The following PRPF40B variants were observed in gnomAD, a reference collection of about 807,000 sequenced individuals.
PRPF40B encodes pre-mRNA-processing factor 40 homolog B.
PRPF40B carries 56 observed loss-of-function variants against 124.5 expected under a neutral mutation model. The ratio of observed to expected loss-of-function variants is 0.45; its 90% CI spans 0.36 to 0.56. The LOEUF is 0.56. Among genes scored for constraint, PRPF40B ranks in the 20% least tolerant of loss-of-function variants. PRPF40B has a pLI of 0.00. For synonymous variants in PRPF40B, 443 were observed against 426.4 expected (o/e 1.04, Z -0.48); for missense variants, 1,053 against 1,169.5 (o/e 0.90, Z 1.45).
chr12:49,629,579 C>T (rs1941038114), intron 1 of PRPF40B, among the ~76,000 whole-genome samples: 1 of 152,156 alleles, frequency 6.6e-6, no homozygotes, highest in South Asian at 2.1e-4. Flanking sequence ...TGGTAGGTAC[C>T]AGGAATACAG....
At chr12:49,643,777 GC>G in intron 24 of PRPF40B, 25 bp downstream of exon 24, 1 of 1,613,702 alleles carries the variant, frequency 6.2e-7, no homozygotes, top group Non-Finnish European at 8.5e-7. Flanking sequence ...TTCTACCTAA[GC>G]CCCTGCTATT....
At chr12:49,633,761 C>T in intron 9 of PRPF40B, 100 bp downstream of exon 9, 1 of 1,605,774 alleles carries the variant, frequency 6.2e-7, no homozygotes, top group Non-Finnish European at 8.5e-7. Flanking sequence ...GAAGAGCCAG[C>T]TCTGTCTCCT....
At chr12:49,638,635 T>C (rs781778251) in intron 18 of PRPF40B, 1 of 152,276 alleles carries the variant, frequency 6.6e-6, no homozygotes, top group Non-Finnish European at 1.5e-5. Flanking sequence ...TATTTCTTTA[T>C]GGAAGTGAAG....
At position 49,632,608 on chromosome 12, in the gene PRPF40B, G is replaced by A. The variant is rs1048454428; in HGVS notation, c.307G>A (p.Ala103Thr). 1 of 1,613,802 alleles carries A rather than the reference G, an allele frequency of 6.2e-7. No individual in the cohort carries two copies. Among genetic ancestry groups the A allele is most frequent in the Non-Finnish European group, 8.5e-7 (1 of 1,179,912 alleles). ...CTTTCTTCGGCAGACGGCTCCGGGT[G>A]CGGACACCGCCAGCTGTGAGTCTTC... ...VPVTAATAPG[A>T]DTASSAVAGT... Residue 103 changes from alanine to threonine, a missense_variant, in exon 5 of 26, where the codon GCG becomes ACG. Ala to Thr is a moderately conservative substitution (Grantham distance 58). This residue lies in a region of PRPF40B where 895 missense variants were observed against 1,052.2 expected (regional missense o/e 0.85). Coordinates refer to ENST00000548825, the MANE Select transcript of PRPF40B (RefSeq NM_001031698.3).
intron 15 of PRPF40B, 108 bp from the exon 16 acceptor site, chr12:49,636,608 G>A: frequency 6.7e-7 from 1 of 1,497,650 alleles, no homozygotes; most frequent in Non-Finnish European, 9.1e-7. Flanking sequence ...CACCACCCTG[G>A]GTATCCCTAG....
chr12:49,632,964 C>G, intron 6 of PRPF40B, 50 bp from the exon 7 acceptor site: 1 of 1,607,594 alleles, frequency 6.2e-7, no homozygotes, highest in Non-Finnish European at 8.5e-7. Context: ...TGAGGAGAGG[C>G]TTTGGAAAAG....
Position 49,644,082 on chromosome 12 carries a change from G to T in PRPF40B, c.2587-18G>T. 1 of 1,614,210 alleles carries T rather than the reference G, an allele frequency of 6.2e-7. No homozygotes were observed. The highest frequency in any genetic ancestry group is 8.5e-7 in the Non-Finnish European group (1 of 1,180,038). ...CCTTAGTGCAGGCTAAGGGTGAACTGTGCCTTTGCTCCAACAGACAGGCTG... is the reference window on the plus strand; with the variant it reads ...CCTTAGTGCAGGCTAAGGGTGAACTTTGCCTTTGCTCCAACAGACAGGCTG... On this transcript the variant is annotated intron_variant, in intron 25 of 25. Transcript: ENST00000548825.
In PRPF40B at chr12:49,642,513, C is replaced by T. The variant is rs1942808268; in HGVS notation, c.2023-67C>T. ...TTCTCTGCCCCAGCCCTGCCCTGTG[C>T]TCATGGCGGTGTCCAGGCCAGGCTG... On this transcript the variant is annotated intron_variant, in intron 20 of 25. Coordinates refer to ENST00000548825, the MANE Select transcript of PRPF40B (RefSeq NM_001031698.3). This position sits in a 1 kb window ranked among gnomAD's most constrained non-coding sequence, Gnocchi z 5.8. 6.3e-7 allele frequency: 1 copy of T among 1,591,066 alleles called. No homozygotes were observed. Among genetic ancestry groups the T allele is most frequent in the Non-Finnish European group, 8.6e-7 (1 of 1,160,392 alleles).
intron 16 of PRPF40B, chr12:49,637,220 C>G: frequency 3.5e-6 from 2 of 575,106 alleles, no homozygotes; most frequent in South Asian, 4.3e-5. Flanking sequence ...AGGCAGGTTT[C>G]TGTTTCTTTG....
chr12:49,627,773 T>C (rs1025469323), intron 1 of PRPF40B, among the ~76,000 whole-genome samples: 6 of 151,942 alleles, frequency 3.9e-5, no homozygotes, highest in Non-Finnish European at 5.9e-5. Flanking sequence ...GGGAAAACAG[T>C]TGGGAGGCCA....
Position 49,631,461 on chromosome 12 carries a change from A to T in PRPF40B, c.145A>T (p.Arg49Ter). Residue 49 changes from arginine to a stop codon, truncating the protein, a stop_gained, in exon 3 of 26, where the codon AGA (arginine) becomes TGA (stop). Coordinates refer to ENST00000548825, the MANE Select transcript of PRPF40B (RefSeq NM_001031698.3). LOFTEE classifies it high-confidence loss of function. The surrounding 1 kb of genome is among the most constrained non-coding windows in gnomAD (Gnocchi z 4.3). ...GATGGGGCTACCCCCCATGAGTCAG[A>T]GACCACCAGCTATCCCCCCCATGCC... ...PPMGLPPMSQ[R>*]PPAIPPMPPG... The T allele has an allele frequency of 6.7e-7, 1 of 1,484,838 alleles. No individual in the cohort carries two copies. Among genetic ancestry groups the T allele is most frequent in the East Asian group, 2.4e-5 (1 of 41,466 alleles). 92.0% of individuals were successfully genotyped at this position (1,484,838 alleles called of 1,614,324 possible). A position where few individuals can be genotyped will look rare whatever the true frequency, so the allele number is the denominator to read the frequency against.
In PRPF40B at chr12:49,637,592, A is replaced by T. The variant is rs1321843991; in HGVS notation, c.1675+8A>T. On this transcript the variant is annotated splice_region_variant and intron_variant, in intron 17 of 25. Coordinates refer to ENST00000548825, the MANE Select transcript of PRPF40B (RefSeq NM_001031698.3). ...ACATGCTGGGCCAGCCGGGTAAGGC[A>T]GCCAGGCTCCCCCTTCTCTGGCCTG... is the stretch of plus-strand genomic sequence containing the variant. 2 of 1,612,012 alleles carry T rather than the reference A, an allele frequency of 1.2e-6. No homozygotes were observed. Among genetic ancestry groups the T allele is most frequent in the Non-Finnish European group, 1.7e-6 (2 of 1,178,838 alleles).
In PRPF40B at chr12:49,624,167, T is replaced by C. The variant is rs987824823; in HGVS notation, c.3+574T>C. 6.1e-6 allele frequency: 6 copies of C among 985,504 alleles called. No individual in the cohort carries two copies. In the African/African-American group the frequency reaches 7.0e-5, roughly 11 times the overall value. 61.0% of individuals were successfully genotyped at this position (985,504 alleles called of 1,614,324 possible). A position where few individuals can be genotyped will look rare whatever the true frequency, so the allele number is the denominator to read the frequency against. The stretch of plus-strand genomic sequence containing the variant: ...AACAAACTAACGACTCTGTGTGACC[T>C]TGGGCAAGTCACTACCTTTCTTTGG... On this transcript the variant is annotated intron_variant, in intron 1 of 25. Coordinates refer to ENST00000548825, the MANE Select transcript of PRPF40B (RefSeq NM_001031698.3).
intron 23 of PRPF40B, 80 bp from the exon 24 acceptor site, chr12:49,643,611 A>G: frequency 1.3e-6 from 2 of 1,487,012 alleles, no homozygotes; most frequent in Non-Finnish European, 1.8e-6. Context: ...GCCTGTGAAG[A>G]ATGAACAGAG....
At chr12:49,637,703 C>G (rs199787423) in intron 17 of PRPF40B, 30 bp from the exon 18 acceptor site, 8 of 1,512,508 alleles carry the variant, frequency 5.3e-6, no homozygotes, top group Admixed American at 1.8e-5. Context: ...AGCTGCCGCC[C>G]GCCAGGCCCC....
chr12:49,632,097 C>G, intron 4 of PRPF40B, 172 bp downstream of exon 4: 1 of 685,654 alleles, frequency 1.5e-6, no homozygotes, highest in South Asian at 1.6e-5. Flanking sequence ...CTCAGCTCTT[C>G]TAGTTTCCCA....
In PRPF40B at chr12:49,633,061, C is replaced by T. The variant is rs1011390623; in HGVS notation, c.396C>T (p.Tyr132=). ...TGGCCCCAGATGGGCGCATCTACTA[C>T]TACAATGCTGACGACAAGCAGTCCG... ...EHVAPDGRIY[Y]YNADDKQSVW... Residue 132 remains tyrosine, a synonymous_variant, in exon 7 of 26, where the codon TAC becomes TAT. Coordinates refer to ENST00000548825, the MANE Select transcript of PRPF40B (RefSeq NM_001031698.3). The T allele has an allele frequency of 6.4e-7, 1 of 1,572,726 alleles. No individual in the cohort carries two copies. The highest frequency in any genetic ancestry group is 1.1e-5 in the South Asian group (1 of 89,468).
At chr12:49,632,455 G>T in intron 4 of PRPF40B, 141 bp from the exon 5 acceptor site, 1 of 874,004 alleles carries the variant, frequency 1.1e-6, no homozygotes. Flanking sequence ...TGAAGGGTGG[G>T]GGAAGCCTGT....
At position 49,642,721 on chromosome 12, in the gene PRPF40B, A is replaced by T. The variant is rs1451875779; in HGVS notation, c.2118+46A>T. On this transcript the variant is annotated intron_variant, in intron 21 of 25. Coordinates refer to ENST00000548825, the MANE Select transcript of PRPF40B (RefSeq NM_001031698.3). The surrounding 1 kb of genome is among the most constrained non-coding windows in gnomAD (Gnocchi z 5.8). ...GGATCTGCCTCAGGCCCTTGAACTCATTAGACCAGTTCAACAGAGACCTCA... is the reference window on the plus strand; with the variant it reads ...GGATCTGCCTCAGGCCCTTGAACTCTTTAGACCAGTTCAACAGAGACCTCA... 1.9e-6 allele frequency: 3 copies of T among 1,578,250 alleles called. No homozygotes were observed. The highest frequency in any genetic ancestry group is 3.5e-5 in the Admixed American group (2 of 56,528).
Sources: allele counts gnomAD v4.1 joint callset (sites outside exome capture counted in the v4.1 genomes callset), GRCh38; gene constraint gnomAD v4.1.1; regional missense constraint gnomAD v4.1.1; non-coding constraint Gnocchi (gnomAD v3.1); transcripts MANE v1.5; gene names NCBI Gene and HGNC (gene_info 2026-07-23, HGNC 2026-07-21).